PFKFB2: variants seen among roughly 807,000 people sequenced by gnomAD.
PFKFB2 encodes 6-phosphofructo-2-kinase/fructose-2,6-biphosphatase 2.
PFKFB2 carries 53 observed loss-of-function variants against 68.0 expected under a neutral mutation model. That is an observed-to-expected ratio of 0.78 (90% CI 0.63 to 0.98). The LOEUF (loss-of-function observed/expected upper bound fraction) is 0.98. PFKFB2 is among the 50% of genes least tolerant of loss of function. PFKFB2 has a pLI of 0.00. For missense variants in PFKFB2, 451 were observed against 642.0 expected (o/e 0.70, Z 3.22); for synonymous variants, 222 against 227.6 (o/e 0.98, Z 0.22).
At chr1:207,042,447 C>T (rs1441639465) in intron 2 of PFKFB2, among the ~76,000 whole-genome samples, 1 of 146,720 alleles carries the variant, frequency 6.8e-6, no homozygotes, top group Non-Finnish European at 1.5e-5. Context: ...ACTTGGGAGG[C>T]TGAGGCCAGA....
chr1:207,072,009 T>C (rs1352471194), intron 14 of PFKFB2, among the ~76,000 whole-genome samples, 195 bp from the exon 15 acceptor site: 1 of 152,206 alleles, frequency 6.6e-6, no homozygotes, highest in East Asian at 1.9e-4. Context: ...TTTGGAATGT[T>C]ATGCTCAAGG....
upstream of PFKFB2, chr1:207,050,806 T>G (rs557030378): frequency 3.1e-6 from 5 of 1,613,280 alleles, no homozygotes; most frequent in East Asian, 8.9e-5. Context: ...TGGCGGCAAT[T>G]TGGCCCTGGA....
chr1:207,054,039 G>C (rs1682840693), intron 1 of PFKFB2, among the ~76,000 whole-genome samples: 1 of 151,218 alleles, frequency 6.6e-6, no homozygotes, highest in Admixed American at 6.6e-5. Context: ...GAGTAGCTGG[G>C]ACTACAGGCG....
upstream of PFKFB2, chr1:207,048,488 TTCA>T (rs1682650870): frequency 6.5e-6 from 1 of 154,242 alleles, no homozygotes; most frequent in South Asian, 2.0e-4. Context: ...ACTTAACTCA[TTCA>T]GAGTTTTTAA....
rs1572734569 is a variant in PFKFB2 at position 207,070,599 on chromosome 1, G to A, written c.1222+190G>A. ...CTGAGTTCACTCTGCTGCTACGAAA[G>A]CTTCCAATGGAGAGTGGCTGCTGCT... On this transcript the variant is annotated intron_variant, in intron 12 of 14. Transcript: ENST00000367080. The surrounding 1 kb of genome is among the most constrained non-coding windows in gnomAD (Gnocchi z 4.2). 1 of 576,870 alleles carries A rather than the reference G, an allele frequency of 1.7e-6. No homozygotes were observed. The highest frequency in any genetic ancestry group is 3.0e-6 in the Non-Finnish European group (1 of 335,812). 35.7% of individuals were successfully genotyped at this position (576,870 alleles called of 1,614,324 possible). A position where few individuals can be genotyped will look rare whatever the true frequency, so the allele number is the denominator to read the frequency against.
chr1:207,077,926 C>A, downstream of PFKFB2: 2 of 378,360 alleles, frequency 5.3e-6, no homozygotes, highest in Non-Finnish European at 7.3e-6. Context: ...CTCAGACAAG[C>A]CAACAGAAGT....
intron 7 of PFKFB2, 89 bp from the exon 8 acceptor site, chr1:207,064,947 C>A: frequency 6.9e-7 from 1 of 1,455,688 alleles, no homozygotes; most frequent in South Asian, 1.3e-5. Flanking sequence ...TTATGGACTT[C>A]TTTTTCTTTT....
intron 2 of PFKFB2, 125 bp downstream of exon 2, chr1:207,054,927 C>G (rs1018398976): frequency 1.5e-6 from 1 of 685,698 alleles, no homozygotes; most frequent in Admixed American, 2.5e-5. Context: ...AAATTTAATG[C>G]AAAGTCTCCA....
At position 207,076,168 on chromosome 1, in the gene PFKFB2, T is replaced by C; in HGVS notation, c.*3797T>C. ...TGGGTAATCCTCTTTGCAACCCACA[T>C]TTGGTCTTCAGAGACACTGGCATTT... is the stretch of plus-strand genomic sequence containing the variant. On this transcript the variant is annotated 3_prime_UTR_variant, in exon 15 of 15. Transcript: ENST00000367080. The C allele has an allele frequency of 2.0e-6, 2 of 985,144 alleles. No homozygotes were observed. The highest frequency in any genetic ancestry group is 1.7e-5 in the African/African-American group (1 of 57,332). 61.0% of individuals were successfully genotyped at this position (985,144 alleles called of 1,614,324 possible).
Position 207,075,765 on chromosome 1 carries a change from T to C in PFKFB2, c.*3394T>C. On this transcript the variant is annotated 3_prime_UTR_variant, in exon 15 of 15. Transcript: ENST00000367080. ...CCTCTAAAAAAGTTTTTTATAAATTTACTTGTCTAAAGTGGGGAAAGGGAA... is the reference window on the plus strand; with the variant it reads ...CCTCTAAAAAAGTTTTTTATAAATTCACTTGTCTAAAGTGGGGAAAGGGAA... 1.0e-6 allele frequency: 1 copy of C among 983,980 alleles called. No homozygotes were observed. The highest frequency in any genetic ancestry group is 1.2e-6 in the Non-Finnish European group (1 of 828,602). The allele number at this position is 983,980 out of a possible 1,614,324, so 61.0% of individuals were successfully genotyped here.
chr1:207,042,549 C>CAAAAA (rs57077682), intron 2 of PFKFB2, among the ~76,000 whole-genome samples: 520 of 44,702 alleles, frequency 0.012, 88 homozygotes, highest in African/African-American at 0.015. Context: ...CTCTGTCTCA[C>CAAAAA]AAAAAAAAAA....
At chr1:207,038,142 T>C (rs1682413014) in intron 1 of PFKFB2, among the ~76,000 whole-genome samples, 1 of 152,208 alleles carries the variant, frequency 6.6e-6, no homozygotes, top group African/African-American at 2.4e-5. Context: ...CCCAATGATC[T>C]TAGGATAACT....
At chr1:207,071,614 AC>A in intron 14 of PFKFB2, 41 bp downstream of exon 14, 1 of 1,453,300 alleles carries the variant, frequency 6.9e-7, no homozygotes, top group African/African-American at 1.4e-5. Context: ...TTTCCCTGCC[AC>A]CTTGAGTCTC....
Position 207,070,593 on chromosome 1 carries a change from A to G in PFKFB2, c.1222+184A>G, listed in dbSNP as rs1649412876. 1 of 599,474 alleles carries G rather than the reference A, an allele frequency of 1.7e-6. No homozygotes were observed. Among genetic ancestry groups the G allele is most frequent in the Admixed American group, 3.2e-5 (1 of 31,480 alleles). 37.1% of individuals were successfully genotyped at this position (599,474 alleles called of 1,614,324 possible). On this transcript the variant is annotated intron_variant, in intron 12 of 14. Coordinates refer to ENST00000367080, the MANE Select transcript of PFKFB2 (RefSeq NM_006212.2). This position sits in a 1 kb window ranked among gnomAD's most constrained non-coding sequence, Gnocchi z 4.2. ...GACTTGCTGAGTTCACTCTGCTGCT[A>G]CGAAAGCTTCCAATGGAGAGTGGCT...
chr1:207,072,075 G>A (rs894783487), intron 14 of PFKFB2, 129 bp from the exon 15 acceptor site: 7 of 1,490,870 alleles, frequency 4.7e-6, no homozygotes, highest in African/African-American at 2.8e-5. Flanking sequence ...GCCATGCCCT[G>A]TGAGGGACCC....
intron 2 of PFKFB2, chr1:207,048,224 G>C (rs1682644537): frequency 6.6e-6 from 1 of 152,592 alleles, no homozygotes; most frequent in African/African-American, 2.4e-5. Flanking sequence ...GTCTTTTAAA[G>C]CTTCAGGAAG....
At chr1:207,056,304 T>G (rs1682920008) in intron 2 of PFKFB2, among the ~76,000 whole-genome samples, 1 of 151,798 alleles carries the variant, frequency 6.6e-6, no homozygotes, top group African/African-American at 2.4e-5. Flanking sequence ...AAGAGGGCTG[T>G]GAATAATTAT....
In PFKFB2 at chr1:207,063,230, C is replaced by T; in HGVS notation, c.375+21C>T. 6.2e-7 allele frequency: 1 copy of T among 1,610,454 alleles called. No homozygotes were observed. On this transcript the variant is annotated intron_variant, in intron 5 of 14. Coordinates refer to ENST00000367080, the MANE Select transcript of PFKFB2 (RefSeq NM_006212.2). This position sits in a 1 kb window ranked among gnomAD's most constrained non-coding sequence, Gnocchi z 4.1. Reference sequence around the variant, plus strand: ...TTGCGGTAAGCTTTATCTGCTGCTTCTTCTTTCTGGTCCCCACCCTTGCAG... The same window carrying T: ...TTGCGGTAAGCTTTATCTGCTGCTTTTTCTTTCTGGTCCCCACCCTTGCAG...
rs200235696 is a variant in PFKFB2 at position 207,070,291 on chromosome 1, C to T, written c.1104C>T (p.Asp368=). ...YRYPGGESYQ[D]LVQRLEPVIM... The stretch of plus-strand genomic sequence containing the variant: ...ATTTCCCTCCACAGTCATACCAGGA[C>T]CTGGTGCAGCGGCTGGAGCCTGTCA... The change falls in exon 12 of 15, where the codon GAC becomes GAT. Residue 368 remains aspartate, a synonymous_variant. Transcript: ENST00000367080. The surrounding 1 kb of genome is among the most constrained non-coding windows in gnomAD (Gnocchi z 4.2). 3.8e-5 allele frequency: 61 copies of T among 1,613,358 alleles called. No homozygotes were observed. The highest frequency in any genetic ancestry group is 4.7e-5 in the Non-Finnish European group (56 of 1,179,958).
Sources: allele counts gnomAD v4.1 joint callset (sites outside exome capture counted in the v4.1 genomes callset), GRCh38; gene constraint gnomAD v4.1.1; non-coding constraint Gnocchi (gnomAD v3.1); transcripts MANE v1.5; gene names NCBI Gene and HGNC (gene_info 2026-07-23, HGNC 2026-07-21).